ARFGEF3: variants seen among roughly 807,000 people sequenced by gnomAD.
ARFGEF3 encodes the protein ARFGEF family member 3.
ARFGEF3 carries 96 observed loss-of-function variants against 221.7 expected under a neutral mutation model. That is an observed-to-expected ratio of 0.43 (90% CI 0.37 to 0.51). The LOEUF is 0.51. Ranked by LOEUF, ARFGEF3 falls within the 20% of genes least tolerant of loss-of-function variation. The pLI, the probability that ARFGEF3 is intolerant of heterozygous loss-of-function variation, is 0.00. For missense variants in ARFGEF3, 2,410 were observed against 2,789.9 expected, an observed-to-expected ratio of 0.86 and a Z score of 3.07; for synonymous variants, 1,145 against 1,126.8, an observed-to-expected ratio of 1.02 and a Z score of -0.32.
chr6:138,211,954 C>T (rs1204934389), intron 4 of ARFGEF3, among the ~76,000 whole-genome samples: 1 of 152,102 alleles, frequency 6.6e-6, no homozygotes. Flanking sequence ...TAGTTAATGT[C>T]TGGGAGGAAA....
intron 6 of ARFGEF3, among the ~76,000 whole-genome samples, chr6:138,239,009 T>C (rs1301164922): frequency 1.3e-5 from 2 of 152,222 alleles, no homozygotes; most frequent in African/African-American, 4.8e-5. Context: ...AGGTTGGGTA[T>C]GTTTCCCTTT....
chr6:138,191,754 C>T (rs917056511), intron 2 of ARFGEF3, among the ~76,000 whole-genome samples: 4 of 152,150 alleles, frequency 2.6e-5, no homozygotes, highest in Non-Finnish European at 5.9e-5. Flanking sequence ...TTCCTCAAAA[C>T]TGTTCTTTCA....
At chr6:138,184,814 G>A (rs888331174) in intron 2 of ARFGEF3, among the ~76,000 whole-genome samples, 1 of 152,202 alleles carries the variant, frequency 6.6e-6, no homozygotes, top group Non-Finnish European at 1.5e-5. Context: ...GATGAGGGTG[G>A]CTGTTGATGG....
In ARFGEF3 at chr6:138,342,520, G is replaced by C. The variant is rs1260229361; in HGVS notation, c.*6034G>C. The C allele has an allele frequency of 6.6e-6, 1 of 152,214 alleles. No homozygotes were observed. The highest frequency in any genetic ancestry group is 1.5e-5 in the Non-Finnish European group (1 of 68,036). The allele number at this position is 152,214 out of a possible 1,614,324, so 9.4% of individuals were successfully genotyped here. A position where few individuals can be genotyped will look rare whatever the true frequency, so the allele number is the denominator to read the frequency against. ...ATGAATGTATAAGTTCTATGGAACA[G>C]TGAGATAAATCTAAGCTTCTTGTCT... is the stretch of plus-strand genomic sequence containing the variant. On this transcript the variant is annotated 3_prime_UTR_variant, in exon 34 of 34. Coordinates refer to ENST00000251691, the MANE Select transcript of ARFGEF3 (RefSeq NM_020340.5).
intron 1 of ARFGEF3, among the ~76,000 whole-genome samples, chr6:138,168,370 T>C (rs1776760193): frequency 6.6e-6 from 1 of 152,144 alleles, no homozygotes; most frequent in Non-Finnish European, 1.5e-5. Flanking sequence ...TGGGAAAACA[T>C]CTGATGGCTT....
intron 30 of ARFGEF3, 76 bp from the exon 31 acceptor site, chr6:138,323,947 G>A: frequency 6.3e-7 from 1 of 1,580,058 alleles, no homozygotes; most frequent in Non-Finnish European, 8.6e-7. Context: ...CAGACACAGT[G>A]ACGATCTCAG....
chr6:138,313,598 A>G (rs1442387313), intron 25 of ARFGEF3, among the ~76,000 whole-genome samples, 197 bp from the exon 26 acceptor site: 2 of 152,158 alleles, frequency 1.3e-5, no homozygotes, highest in Non-Finnish European at 2.9e-5. Context: ...TTGCCATTGT[A>G]TGCTATTTCA....
chr6:138,206,398 C>T (rs777577076), intron 2 of ARFGEF3, among the ~76,000 whole-genome samples: 5 of 149,498 alleles, frequency 3.3e-5, no homozygotes, highest in Non-Finnish European at 7.4e-5. Flanking sequence ...ATCTAGGCAC[C>T]TCTTATCGGC....
Position 138,263,503 on chromosome 6 carries a change from A to G in ARFGEF3, c.2020A>G (p.Arg674Gly), listed in dbSNP as rs1204903326. ...CCAGGAGGCGGATCAGCACAGCGCC[A>G]GGCTGTTCATACAGTCCCTGGAAGG... Reference protein sequence around the residue: ...KNQEADQHSARLFIQSLEGLL... With the variant: ...KNQEADQHSAGLFIQSLEGLL... The change falls in exon 12 of 34, where the codon AGG becomes GGG. Residue 674 changes from arginine (R) to glycine (G), a missense_variant. Arg to Gly is a moderately radical substitution (Grantham distance 125). Around this residue, in one of 5 missense-constraint regions of ARFGEF3, gnomAD observed 594 missense variants for 734.3 expected, o/e 0.81. Coordinates refer to ENST00000251691, the MANE Select transcript of ARFGEF3 (RefSeq NM_020340.5). The G allele has an allele frequency of 6.2e-7, 1 of 1,613,838 alleles. No homozygotes were observed. Among genetic ancestry groups the G allele is most frequent in the Non-Finnish European group, 8.5e-7 (1 of 1,179,880 alleles).
chr6:138,313,983 A>G (rs1447075775), intron 26 of ARFGEF3, 44 bp downstream of exon 26: 6 of 1,592,902 alleles, frequency 3.8e-6, no homozygotes, highest in Non-Finnish European at 4.3e-6. Flanking sequence ...TGCTGTGTTC[A>G]TATTCCCAGA....
chr6:138,278,764 A>T (rs1278882832), intron 13 of ARFGEF3, 147 bp downstream of exon 13: 18 of 750,750 alleles, frequency 2.4e-5, no homozygotes, highest in Non-Finnish European at 3.4e-5. Context: ...ACTTTGGGGG[A>T]TGGAAGGAGA....
rs752993239 is a variant in ARFGEF3 at position 138,313,790 on chromosome 6, T to C, written c.4201-5T>C. 1.2e-6 allele frequency: 2 copies of C among 1,612,226 alleles called. No homozygotes were observed. Among genetic ancestry groups the C allele is most frequent in the Non-Finnish European group, 1.7e-6 (2 of 1,178,700 alleles). ...ATTGCAGTTTGTCTTTTTATTTTAA[T>C]TTAGTTATTGGCCAAAATCTACAAA... On this transcript the variant is annotated splice_region_variant and splice_polypyrimidine_tract_variant and intron_variant, in intron 25 of 33. Transcript: ENST00000251691.
intron 22 of ARFGEF3, among the ~76,000 whole-genome samples, chr6:138,302,694 C>T (rs528506705): frequency 6.6e-6 from 1 of 152,284 alleles, no homozygotes; most frequent in South Asian, 2.1e-4. Flanking sequence ...CTAGGATTAA[C>T]TAATGCTGAC....
At chr6:138,249,624 A>C (rs1156713266) in intron 8 of ARFGEF3, among the ~76,000 whole-genome samples, 2 of 152,202 alleles carry the variant, frequency 1.3e-5, no homozygotes, top group African/African-American at 4.8e-5. Flanking sequence ...CAGGAGTTTG[A>C]GAATAGGTTT....
At chr6:138,214,480 A>G (rs753893818) in intron 4 of ARFGEF3, among the ~76,000 whole-genome samples, 4 of 152,236 alleles carry the variant, frequency 2.6e-5, no homozygotes, top group East Asian at 1.9e-4. Context: ...CACACCATGC[A>G]GTTTTTATTT....
At chr6:138,165,345 A>G (rs1370188661) in intron 1 of ARFGEF3, among the ~76,000 whole-genome samples, 1 of 149,644 alleles carries the variant, frequency 6.7e-6, no homozygotes, top group Non-Finnish European at 1.5e-5. Flanking sequence ...TGTGAGAGAC[A>G]GGGATCATCC....
chr6:138,326,916 C>T (rs1780136605), intron 31 of ARFGEF3, among the ~76,000 whole-genome samples: 1 of 152,138 alleles, frequency 6.6e-6, no homozygotes, highest in Non-Finnish European at 1.5e-5. Flanking sequence ...GAATACTATG[C>T]AGTCATAAAA....
chr6:138,203,832 G>A (rs1251537545), intron 2 of ARFGEF3, among the ~76,000 whole-genome samples: 1 of 151,858 alleles, frequency 6.6e-6, no homozygotes, highest in Non-Finnish European at 1.5e-5. Context: ...TAGTAGAGAC[G>A]GGGTTTCACC....
chr6:138,185,420 C>G (rs1015525675), intron 2 of ARFGEF3, among the ~76,000 whole-genome samples: 7 of 152,118 alleles, frequency 4.6e-5, no homozygotes, highest in Admixed American at 3.3e-4. Context: ...AACTGATGCA[C>G]CCTCCCTAAA....
Sources: gnomAD v4.1 joint callset for allele counts (sites outside exome capture counted in the v4.1 genomes callset) on GRCh38, gnomAD v4.1.1 for gene constraint, gnomAD v4.1.1 regional missense constraint, MANE v1.5 for transcripts, NCBI Gene and HGNC (gene_info 2026-07-23, HGNC 2026-07-21) for gene names.